ARHGAP20: variants seen among roughly 807,000 people sequenced by gnomAD.
ARHGAP20 encodes the protein Rho GTPase activating protein 20.
A neutral mutation model predicts 73.7 loss-of-function variants in ARHGAP20; 34 were observed. The observed-to-expected ratio is 0.46, with a 90% CI of 0.35 to 0.61. The LOEUF is 0.61. Ranked by LOEUF, ARHGAP20 falls within the 20% of genes least tolerant of loss-of-function variation. The pLI is 0.00. For missense variants in ARHGAP20, 1,314 were observed against 1,420.9 expected (o/e 0.92, Z 1.21); for synonymous variants, 523 against 518.2 (o/e 1.01, Z -0.13).
intron 2 of ARHGAP20, among the ~76,000 whole-genome samples, chr11:110,670,727 T>C (rs1949811121): frequency 6.6e-6 from 1 of 151,976 alleles, no homozygotes; most frequent in Non-Finnish European, 1.5e-5. Context: ...GACAAGATAA[T>C]ACAGGAAAAC....
At chr11:110,612,254 TA>T (rs386374891) in intron 6 of ARHGAP20, among the ~76,000 whole-genome samples, 187 of 143,092 alleles carry the variant, frequency 1.3e-3, no homozygotes, top group Admixed American at 1.0e-3. Context: ...CCGTCTCTAC[TA>T]AAAAAAAAAA....
intron 2 of ARHGAP20, among the ~76,000 whole-genome samples, chr11:110,645,567 T>G (rs1053651751): frequency 2.0e-5 from 3 of 152,154 alleles, no homozygotes; most frequent in African/African-American, 7.2e-5. Flanking sequence ...TTTAGAGATT[T>G]CTCAAGAACT....
In ARHGAP20 at chr11:110,577,866, C is replaced by A. The variant is rs1339352144; in HGVS notation, c.*1504G>T. The A allele has an allele frequency of 6.1e-6, 6 of 985,576 alleles. No homozygotes were observed. Among genetic ancestry groups the A allele is most frequent in the Non-Finnish European group, 7.2e-6 (6 of 829,788 alleles). 61.1% of individuals were successfully genotyped at this position (985,576 alleles called of 1,614,324 possible). ...TTTTCCCCTATAACTGAAAATGCAA[C>A]CTTTAGAACAAAAAAGAAAGAACAT... On this transcript the variant is annotated 3_prime_UTR_variant, in exon 15 of 15. Coordinates refer to ENST00000683387, the MANE Select transcript of ARHGAP20 (RefSeq NM_001384657.1).
At chr11:110,711,998 G>A (rs1288581086) in intron 1 of ARHGAP20, 129 bp downstream of exon 1, 4 of 1,239,564 alleles carry the variant, frequency 3.2e-6, no homozygotes, top group Non-Finnish European at 3.0e-6. Context: ...CTCATTAGGG[G>A]CCGCGAGCCT....
At chr11:110,696,669 C>A (rs375809432) in intron 1 of ARHGAP20, among the ~76,000 whole-genome samples, 1 of 151,596 alleles carries the variant, frequency 6.6e-6, no homozygotes, top group East Asian at 1.9e-4. Context: ...ATATTCATTA[C>A]CCAAATAGTG....
chr11:110,639,410 C>T (rs976653126), intron 2 of ARHGAP20, among the ~76,000 whole-genome samples: 1 of 150,928 alleles, frequency 6.6e-6, no homozygotes, highest in East Asian at 1.9e-4. Context: ...AAACAAAGAA[C>T]TAGTATAAAA....
In ARHGAP20 at chr11:110,579,402, TG is replaced by T. The variant is rs755241765; in HGVS notation, c.3543del (p.Asp1181GlufsTer7). ...TCTTTGGTTAAATACCTGTCCTCAATGTCGCAGACCACTGTAGGCCCTGAGT... is the reference window on the plus strand; with the variant it reads ...TCTTTGGTTAAATACCTGTCCTCAATTCGCAGACCACTGTAGGCCCTGAGT... ...SPDSGPTVVCDIEDRYLTKDI is the reference protein window; with the variant it reads ...SPDSGPTVVCXIEDRYLTKDI On this transcript the variant is annotated frameshift_variant, in exon 15 of 15. Coordinates refer to ENST00000683387, the MANE Select transcript of ARHGAP20 (RefSeq NM_001384657.1). LOFTEE classifies it high-confidence loss of function. 1.9e-6 allele frequency: 3 copies of T among 1,603,330 alleles called. No individual in the cohort carries two copies. The highest frequency in any genetic ancestry group is 2.6e-6 in the Non-Finnish European group (3 of 1,171,256).
chr11:110,580,395 C>A lies in ARHGAP20; in HGVS notation c.2551G>T (p.Glu851Ter), dbSNP rs1216921264. Reference sequence around the variant, plus strand: ...TAGGTCAGCTTGCGGTTCTGGTCTTCTATGTTGGGCTCTGAGCAGCGCCGA... The same window carrying A: ...TAGGTCAGCTTGCGGTTCTGGTCTTATATGTTGGGCTCTGAGCAGCGCCGA... The part of the protein sequence containing the change: ...THRRCSEPNI[E>*]DQNRKLTYLR... Residue 851 changes from glutamate (E) to a stop codon, truncating the protein, a stop_gained, in exon 15 of 15, where the codon GAA becomes TAA. Transcript: ENST00000683387. LOFTEE classifies it low-confidence loss of function (END_TRUNC). 4 of 1,614,260 alleles carry A rather than the reference C, an allele frequency of 2.5e-6. No individual in the cohort carries two copies. The Admixed American group carries it at 6.7e-5, about 27-fold the overall frequency.
At chr11:110,599,798 C>T (rs1466146953) in intron 9 of ARHGAP20, among the ~76,000 whole-genome samples, 1 of 152,158 alleles carries the variant, frequency 6.6e-6, no homozygotes, top group Middle Eastern at 3.2e-3. Flanking sequence ...TTTCTGCTGA[C>T]AGCTGCAGAT....
At chr11:110,609,361 G>T (rs2134883802) in intron 7 of ARHGAP20, among the ~76,000 whole-genome samples, 1 of 152,248 alleles carries the variant, frequency 6.6e-6, no homozygotes, top group Non-Finnish European at 1.5e-5. Flanking sequence ...CCTCCAACAT[G>T]CCCCTGCAAA....
intron 4 of ARHGAP20, among the ~76,000 whole-genome samples, chr11:110,620,681 T>C (rs1948609689): frequency 6.6e-6 from 1 of 152,196 alleles, no homozygotes; most frequent in Non-Finnish European, 1.5e-5. Context: ...ATTATTATAG[T>C]TTTTTAAAAA....
intron 9 of ARHGAP20, among the ~76,000 whole-genome samples, chr11:110,603,052 T>C (rs1055701230): frequency 2.0e-5 from 3 of 152,208 alleles, no homozygotes; most frequent in Admixed American, 6.5e-5. Flanking sequence ...AGATTATTCA[T>C]TGTATTGTTT....
At chr11:110,662,787 G>T (rs536932330) in intron 2 of ARHGAP20, among the ~76,000 whole-genome samples, 44 of 151,942 alleles carry the variant, frequency 2.9e-4, no homozygotes, top group African/African-American at 1.0e-3. Context: ...GCCTTATGAT[G>T]TGCACTGAAA....
At chr11:110,590,329 GTT>G (rs1947794774) in intron 11 of ARHGAP20, among the ~76,000 whole-genome samples, 1 of 152,112 alleles carries the variant, frequency 6.6e-6, no homozygotes, top group Admixed American at 6.5e-5. Flanking sequence ...CAGGATGTCT[GTT>G]TTGGTATACG....
rs1173401657 is a variant in ARHGAP20, at chr11:110,711,666, G to GCGC, written c.105+458_105+460dup. ...GCAGCCCCGCTGCCTACCTTCTTCA[G>GCGC]CGCCGGCTGCCGCTCCCGGGCAGAC... On this transcript the variant is annotated intron_variant, in intron 1 of 14. Coordinates refer to ENST00000683387, the MANE Select transcript of ARHGAP20 (RefSeq NM_001384657.1). 7.5e-6 allele frequency: 11 copies of GCGC among 1,464,012 alleles called. No individual in the cohort carries two copies. In the Admixed American group the frequency reaches 2.6e-4, roughly 35 times the overall value. 90.7% of individuals were successfully genotyped at this position (1,464,012 alleles called of 1,614,324 possible). A position where few individuals can be genotyped will look rare whatever the true frequency, so the allele number is the denominator to read the frequency against.
chr11:110,648,767 G>A (rs1277370976), intron 2 of ARHGAP20, among the ~76,000 whole-genome samples: 14 of 152,100 alleles, frequency 9.2e-5, no homozygotes, highest in Admixed American at 7.9e-4. Flanking sequence ...ATAGGCATGA[G>A]CCACCGCACC....
chr11:110,677,529 T>C (rs895479758), intron 2 of ARHGAP20, among the ~76,000 whole-genome samples: 2 of 152,016 alleles, frequency 1.3e-5, no homozygotes, highest in Admixed American at 1.3e-4. Context: ...CCTGTGGTCC[T>C]AGCTACTCAG....
intron 1 of ARHGAP20, among the ~76,000 whole-genome samples, chr11:110,706,461 C>T (rs777909056): frequency 2.6e-5 from 4 of 152,020 alleles, no homozygotes; most frequent in Non-Finnish European, 5.9e-5. Flanking sequence ...TATTTTTATT[C>T]AAGTTCCTCC....
intron 6 of ARHGAP20, among the ~76,000 whole-genome samples, chr11:110,612,931 C>T (rs181094680): frequency 7.0e-4 from 107 of 152,248 alleles, no homozygotes; most frequent in African/African-American, 2.5e-3. Context: ...ACCAGAGTGT[C>T]ATAGGTATGA....
Sources: gnomAD v4.1 joint callset for allele counts (sites outside exome capture counted in the v4.1 genomes callset) on GRCh38, gnomAD v4.1.1 for gene constraint, MANE v1.5 for transcripts, NCBI Gene and HGNC (gene_info 2026-07-23, HGNC 2026-07-21) for gene names.